The following ALK variants were observed in gnomAD, a reference collection of about 807,000 sequenced individuals.
ALK encodes the protein ALK receptor tyrosine kinase, also known as ALK tyrosine kinase receptor.
In ALK, 74 loss-of-function variants were observed where a neutral mutation model predicts 163.1. That is an observed-to-expected ratio of 0.45 (90% CI 0.38 to 0.55). The LOEUF (loss-of-function observed/expected upper bound fraction) is 0.55. Among genes scored for constraint, ALK ranks in the 20% least tolerant of loss-of-function variants. The probability of loss-of-function intolerance (pLI) is 0.00; values close to 1 mark genes in which losing one functional copy is unlikely to be tolerated. For synonymous variants in ALK, 960 were observed against 843.2 expected (o/e 1.14, Z -2.40); for missense variants, 2,063 against 2,105.3 (o/e 0.98, Z 0.39).
In ALK at chr2:29,223,455, C is replaced by G. The variant is rs775724766; in HGVS notation, c.3246G>C (p.Lys1082Asn). Residue 1082 changes from lysine to asparagine, a missense_variant, in exon 20 of 29, where the codon AAG becomes AAC. Physicochemically the swap from Lys to Asn is moderately conservative, Grantham distance 94 (BLOSUM62 0). Coordinates refer to ENST00000389048, the MANE Select transcript of ALK (RefSeq NM_004304.5). ...CGGTCATGATGGTCGAGGTGCGGAG[C>G]TTGCTCAGCTTGTACTCAGGGCTCT... ...ELQSPEYKLS[K>N]LRTSTIMTDY... The G allele has an allele frequency of 6.2e-7, 1 of 1,614,192 alleles. No homozygotes were observed. The highest frequency in any genetic ancestry group is 8.5e-7 in the Non-Finnish European group (1 of 1,180,044).
chr2:29,677,935 T>A (rs1300673526), intron 3 of ALK, among the ~76,000 whole-genome samples: 1 of 152,076 alleles, frequency 6.6e-6, no homozygotes. Context: ...TTGGGGTAGA[T>A]TTTCAATTAC....
At chr2:29,245,080 C>A (rs1378365724) in intron 12 of ALK, among the ~76,000 whole-genome samples, 2 of 151,984 alleles carry the variant, frequency 1.3e-5, no homozygotes, top group Non-Finnish European at 1.5e-5. Flanking sequence ...TGGCTCACTG[C>A]CCTGCACACA....
chr2:29,409,777 A>G (rs921080643), intron 4 of ALK, among the ~76,000 whole-genome samples: 1 of 152,060 alleles, frequency 6.6e-6, no homozygotes, highest in Non-Finnish European at 1.5e-5. Flanking sequence ...TGGGCTTCCC[A>G]CCTGCCTTCT....
intron 2 of ALK, among the ~76,000 whole-genome samples, chr2:29,704,258 A>G (rs1678832936): frequency 6.6e-6 from 1 of 152,194 alleles, no homozygotes. Flanking sequence ...ACCCAGCTCA[A>G]GGGAACTCTC....
chr2:29,223,416 G>A lies in ALK; in HGVS notation c.3285C>T (p.Asn1095=), dbSNP rs778552902. The part of the protein sequence containing the change: ...TSTIMTDYNP[N]YCFAGKTSSI... Reference sequence around the variant, plus strand: ...AGGAGGTCTTGCCAGCAAAGCAGTAGTTGGGGTTGTAGTCGGTCATGATGG... The same window carrying A: ...AGGAGGTCTTGCCAGCAAAGCAGTAATTGGGGTTGTAGTCGGTCATGATGG... The change falls in exon 20 of 29, where the codon AAC becomes AAT. Residue 1095 remains asparagine, a synonymous_variant. Coordinates refer to ENST00000389048, the MANE Select transcript of ALK (RefSeq NM_004304.5). The A allele has an allele frequency of 1.2e-6, 2 of 1,614,204 alleles. No individual in the cohort carries two copies. The highest frequency in any genetic ancestry group is 2.2e-5 in the East Asian group (1 of 44,876).
At chr2:29,658,001 G>T (rs1338484730) in intron 3 of ALK, among the ~76,000 whole-genome samples, 1 of 152,100 alleles carries the variant, frequency 6.6e-6, no homozygotes, top group Non-Finnish European at 1.5e-5. Context: ...AGGGATGGTG[G>T]GTGTCTCTGC....
At chr2:29,617,445 T>C (rs1219257533) in intron 3 of ALK, among the ~76,000 whole-genome samples, 2 of 152,204 alleles carry the variant, frequency 1.3e-5, no homozygotes, top group Non-Finnish European at 1.5e-5. Flanking sequence ...TTTCCTCTTC[T>C]ATCACATTGA....
intron 1 of ALK, among the ~76,000 whole-genome samples, chr2:29,912,903 A>G (rs13432309): frequency 0.34 from 52,239 of 152,006 alleles, 10,607 homozygotes; most frequent in Middle Eastern, 0.47. Context: ...TCACATTCCA[A>G]TGAAAACTAA....
chr2:29,343,793 C>T (rs867321638), intron 5 of ALK, among the ~76,000 whole-genome samples: 11 of 152,106 alleles, frequency 7.2e-5, no homozygotes, highest in Non-Finnish European at 5.9e-5. Flanking sequence ...AATCTTGCTA[C>T]GAAGTACAGG....
chr2:29,901,206 T>C (rs1414083888), intron 1 of ALK, among the ~76,000 whole-genome samples: 1 of 152,202 alleles, frequency 6.6e-6, no homozygotes, highest in African/African-American at 2.4e-5. Context: ...AAACTATCTG[T>C]CTCTTGCAGC....
chr2:29,242,317 C>T (rs1664545151), intron 12 of ALK, among the ~76,000 whole-genome samples: 1 of 152,206 alleles, frequency 6.6e-6, no homozygotes, highest in Admixed American at 6.5e-5. Context: ...CCTCATCCTA[C>T]CCACTCCTGC....
intron 4 of ALK, among the ~76,000 whole-genome samples, chr2:29,475,713 G>A (rs1216335323): frequency 6.6e-6 from 1 of 152,160 alleles, no homozygotes; most frequent in Non-Finnish European, 1.5e-5. Context: ...TTTGGAAAAT[G>A]TGGCTGGAAA....
chr2:29,291,544 A>G (rs1666022781), intron 9 of ALK, among the ~76,000 whole-genome samples: 1 of 152,146 alleles, frequency 6.6e-6, no homozygotes, highest in African/African-American at 2.4e-5. Context: ...TAAAAAGGGG[A>G]TTAATTATAA....
chr2:29,530,640 A>G (rs919614216), intron 4 of ALK, among the ~76,000 whole-genome samples: 2 of 152,278 alleles, frequency 1.3e-5, no homozygotes, highest in Non-Finnish European at 2.9e-5. Context: ...CCCTCAGATA[A>G]GAAGTCTTCC....
At chr2:29,332,283 C>A (rs12987725) in intron 5 of ALK, among the ~76,000 whole-genome samples, 3 of 46,858 alleles carry the variant, frequency 6.4e-5, no homozygotes, top group African/African-American at 2.4e-4. Context: ...GAGACTCCAT[C>A]TCAAAAAAAA....
intron 5 of ALK, among the ~76,000 whole-genome samples, chr2:29,344,280 A>C (rs1334043414): frequency 6.6e-6 from 1 of 152,114 alleles, no homozygotes; most frequent in Non-Finnish European, 1.5e-5. Context: ...GACTATGGAG[A>C]GATGGAGACT....
At chr2:29,590,272 G>C (rs2148205910) in intron 3 of ALK, among the ~76,000 whole-genome samples, 1 of 152,166 alleles carries the variant, frequency 6.6e-6, no homozygotes, top group South Asian at 2.1e-4. Context: ...ATTGAAAACG[G>C]GTCACTAATT....
At chr2:29,498,595 C>T (rs972781908) in intron 4 of ALK, among the ~76,000 whole-genome samples, 2 of 152,132 alleles carry the variant, frequency 1.3e-5, no homozygotes, top group Admixed American at 6.5e-5. Context: ...CTGAGGGGAG[C>T]AGAGGGGCCC....
intron 3 of ALK, among the ~76,000 whole-genome samples, chr2:29,618,481 A>G (rs1004940174): frequency 6.6e-6 from 1 of 151,652 alleles, no homozygotes; most frequent in East Asian, 1.9e-4. Context: ...CTCCATTTCA[A>G]TGTCACTCTG....
Sources: allele counts gnomAD v4.1 joint callset (sites outside exome capture counted in the v4.1 genomes callset), GRCh38; gene constraint gnomAD v4.1.1; transcripts MANE v1.5; gene names NCBI Gene and HGNC (gene_info 2026-07-23, HGNC 2026-07-21).